The following CDK5RAP2 variants were observed in gnomAD, a reference collection of about 807,000 sequenced individuals.
CDK5RAP2 encodes CDK5 regulatory subunit-associated protein 2.
A neutral mutation model predicts 232.9 loss-of-function variants in CDK5RAP2; 147 were observed. The ratio of observed to expected loss-of-function variants is 0.63; its 90% CI spans 0.55 to 0.72. The LOEUF (loss-of-function observed/expected upper bound fraction) is 0.72. Among genes scored for constraint, CDK5RAP2 ranks in the 30% least tolerant of loss-of-function variants. CDK5RAP2 has a pLI of 0.00. For synonymous variants in CDK5RAP2, 833 were observed against 833.7 expected, an observed-to-expected ratio of 1.00 and a Z score of 0.01; for missense variants, 2,195 against 2,231.5, an observed-to-expected ratio of 0.98 and a Z score of 0.33.
In CDK5RAP2 at chr9:120,536,484, C is replaced by CTG. The variant is rs2041392574; in HGVS notation, c.548_549dup (p.Gly184GlnfsTer20). 2 of 1,614,170 alleles carry CTG rather than the reference C, an allele frequency of 1.2e-6. No homozygotes were observed. On this transcript the variant is annotated frameshift_variant, in exon 7 of 38. Coordinates refer to ENST00000349780, the MANE Select transcript of CDK5RAP2 (RefSeq NM_018249.6). LOFTEE classifies it high-confidence loss of function. ...CGAAGAGCCTTCTCCGTCTCTGTCC[C>CTG]TGCAAAGGCCTTTTCCAGTTCTGCC...
At chr9:120,410,329 C>A (rs1220818789) in intron 29 of CDK5RAP2, among the ~76,000 whole-genome samples, 4 of 152,162 alleles carry the variant, frequency 2.6e-5, no homozygotes, top group African/African-American at 9.7e-5. Context: ...CATTGCTAAC[C>A]CCTGGGACTT....
chr9:120,405,310 A>C (rs1005949504), intron 32 of CDK5RAP2, among the ~76,000 whole-genome samples: 1 of 152,214 alleles, frequency 6.6e-6, no homozygotes, highest in Non-Finnish European at 1.5e-5. Context: ...GGAAATTATA[A>C]AACTTTTCTG....
intron 3 of CDK5RAP2, among the ~76,000 whole-genome samples, chr9:120,559,929 T>A (rs933222983): frequency 6.6e-6 from 1 of 152,116 alleles, no homozygotes; most frequent in Non-Finnish European, 1.5e-5. Context: ...TGAAGTTCCA[T>A]CTAAAAGGGA....
chr9:120,546,857 A>C (rs1196486612), intron 4 of CDK5RAP2, among the ~76,000 whole-genome samples: 1 of 151,990 alleles, frequency 6.6e-6, no homozygotes, highest in Non-Finnish European at 1.5e-5. Flanking sequence ...GGCTGGTCTT[A>C]AACTTCTGGC....
Position 120,453,826 on chromosome 9 carries a change from A to T in CDK5RAP2, c.2423T>A (p.Phe808Tyr), listed in dbSNP as rs1208705235. 1.2e-6 allele frequency: 2 copies of T among 1,614,228 alleles called. No individual in the cohort carries two copies. The highest frequency in any genetic ancestry group is 1.7e-6 in the Non-Finnish European group (2 of 1,180,038). ...TCCAGAAACTTCCTGCTCTGTCAAGAATAGTTGTCCCAGAAGCAGTTCCCG... is the reference window on the plus strand; with the variant it reads ...TCCAGAAACTTCCTGCTCTGTCAAGTATAGTTGTCCCAGAAGCAGTTCCCG... The part of the protein sequence containing the change: ...VVRELLLGQL[F>Y]LTEQEVSGEH... Residue 808 changes from phenylalanine (F) to tyrosine (Y), a missense_variant, in exon 21 of 38, where the codon TTC (phenylalanine) becomes TAC (tyrosine). By Grantham distance (22) the Phe-to-Tyr change is conservative (BLOSUM62 3). Transcript: ENST00000349780.
chr9:120,530,084 A>G lies in CDK5RAP2; in HGVS notation c.719T>C (p.Leu240Pro). 1 of 1,614,006 alleles carries G rather than the reference A, an allele frequency of 6.2e-7. No individual in the cohort carries two copies. The highest frequency in any genetic ancestry group is 1.3e-5 in the African/African-American group (1 of 75,040). ...LKSKEALIQC[L>P]KEEKSQMACP... The stretch of plus-strand genomic sequence containing the variant: ...TGCCATCTGAGATTTCTCCTCTTTA[A>G]GGCACTGAATTAAAGCTTCTTTGCT... Residue 240 changes from leucine to proline, a missense_variant, in exon 8 of 38, where the codon CTT becomes CCT. Leu to Pro is a moderately conservative substitution (Grantham distance 98). Coordinates refer to ENST00000349780, the MANE Select transcript of CDK5RAP2 (RefSeq NM_018249.6).
chr9:120,476,105 C>G (rs1189812758), intron 15 of CDK5RAP2, among the ~76,000 whole-genome samples: 2 of 151,880 alleles, frequency 1.3e-5, no homozygotes, highest in African/African-American at 4.8e-5. Context: ...AACACACAGC[C>G]CAGGGAACGA....
chr9:120,552,798 C>T (rs1369754117), intron 3 of CDK5RAP2, among the ~76,000 whole-genome samples: 3 of 149,788 alleles, frequency 2.0e-5, no homozygotes, highest in African/African-American at 7.4e-5. Context: ...ACGTATGTAA[C>T]GAACCTGCAC....
intron 12 of CDK5RAP2, among the ~76,000 whole-genome samples, chr9:120,496,681 G>A: frequency 7.4e-6 from 1 of 135,054 alleles, no homozygotes; most frequent in African/African-American, 3.1e-5. Flanking sequence ...CGTCCGGGAG[G>A]GAGGTGGGGG....
intron 19 of CDK5RAP2, among the ~76,000 whole-genome samples, chr9:120,460,157 G>A (rs1435711478): frequency 6.6e-6 from 1 of 152,112 alleles, no homozygotes; most frequent in African/African-American, 2.4e-5. Flanking sequence ...AAATGATCTG[G>A]TAGTTTACAC....
rs1282764980 is a variant in CDK5RAP2 at position 120,422,712 on chromosome 9, G to C, written c.3985C>G (p.Gln1329Glu). The C allele has an allele frequency of 9.3e-6, 15 of 1,612,768 alleles. No individual in the cohort carries two copies. The highest frequency in any genetic ancestry group is 1.1e-5 in the Non-Finnish European group (13 of 1,178,920). ...ACTCACCTCTCCATCAGTTCATTCT[G>C]GGTGTTCATTTCCACTCCAACTGAT... Reference protein sequence around the residue: ...GKSVGVEMNTQNELMERIEED... With the variant: ...GKSVGVEMNTENELMERIEED... Residue 1329 changes from glutamine (Q) to glutamate (E), a missense_variant, in exon 26 of 38, where the codon CAG (glutamine) becomes GAG (glutamate). Transcript: ENST00000349780.
chr9:120,518,636 C>A lies in CDK5RAP2; in HGVS notation c.1102G>T (p.Asp368Tyr). The change falls in exon 12 of 38, where the codon GAC becomes TAC. Residue 368 changes from aspartate (D) to tyrosine (Y), a missense_variant. Asp to Tyr is a radical substitution (Grantham distance 160, BLOSUM62 -3). Transcript: ENST00000349780. ...AQTQEFQGSE[D>Y]YETALSGKEA... Reference sequence around the variant, plus strand: ...TTTCCTGATAGAGCAGTCTCATAGTCTTCAGACCCCTAGAAGAGAAGGCAG... The same window carrying A: ...TTTCCTGATAGAGCAGTCTCATAGTATTCAGACCCCTAGAAGAGAAGGCAG... 6.2e-7 allele frequency: 1 copy of A among 1,613,498 alleles called. No individual in the cohort carries two copies. The highest frequency in any genetic ancestry group is 1.1e-5 in the South Asian group (1 of 90,988).
rs56108453 is a variant in CDK5RAP2 at position 120,556,616 on chromosome 9, A to C, written c.196-5714T>G. Among the ~76,000 whole-genome samples the C allele has an allele frequency of 4.0e-3, 611 of 151,908 alleles. 7 individuals carry two copies. The highest frequency in any genetic ancestry group is 0.014 in the African/African-American group (583 of 41,428). ...TCTAATTTTTTTATTTTTAGTAGAG[A>C]TGGGGTTTCACCATGTTGGCCAGGC... On this transcript the variant is annotated intron_variant, in intron 3 of 37. Transcript: ENST00000349780.
intron 5 of CDK5RAP2, among the ~76,000 whole-genome samples, chr9:120,541,150 A>G (rs994658301): frequency 6.6e-6 from 1 of 152,106 alleles, no homozygotes; most frequent in African/African-American, 2.4e-5. Flanking sequence ...CCACTCACCA[A>G]GGTTTGAGGC....
intron 12 of CDK5RAP2, chr9:120,517,996 A>G: frequency 4.6e-6 from 1 of 215,574 alleles, no homozygotes. Flanking sequence ...AATGCCGTTC[A>G]AAAAAGAACT....
chr9:120,399,187 T>C (rs1203128052), intron 35 of CDK5RAP2, among the ~76,000 whole-genome samples: 2 of 152,218 alleles, frequency 1.3e-5, no homozygotes, highest in African/African-American at 4.8e-5. Context: ...AGAATCAATG[T>C]GGCTATAACT....
chr9:120,437,000 C>T (rs776350794), intron 25 of CDK5RAP2, among the ~76,000 whole-genome samples: 3 of 152,180 alleles, frequency 2.0e-5, no homozygotes, highest in East Asian at 1.9e-4. Context: ...CTGGCAACTA[C>T]GTGACCACTG....
intron 18 of CDK5RAP2, among the ~76,000 whole-genome samples, chr9:120,467,001 A>G (rs1167407139): frequency 1.3e-5 from 2 of 152,212 alleles, no homozygotes; most frequent in African/African-American, 4.8e-5. Context: ...AAACAATGCT[A>G]ACATGCGCAT....
intron 22 of CDK5RAP2, among the ~76,000 whole-genome samples, chr9:120,447,381 A>G (rs2036249459): frequency 6.6e-6 from 1 of 152,224 alleles, no homozygotes; most frequent in Non-Finnish European, 1.5e-5. Context: ...CTATTCAGGT[A>G]CATTTTAACA....
Sources: allele counts gnomAD v4.1 joint callset (sites outside exome capture counted in the v4.1 genomes callset), GRCh38; gene constraint gnomAD v4.1.1; transcripts MANE v1.5; gene names NCBI Gene and HGNC (gene_info 2026-07-23, HGNC 2026-07-21).